Variants in CENPI observed in about 807,000 individuals in gnomAD.
CENPI encodes the protein centromere protein I.
A neutral mutation model predicts 60.4 loss-of-function variants in CENPI; 4 were observed. That is an observed-to-expected ratio of 0.07 (90% CI 0.03 to 0.15). CENPI has a LOEUF of 0.15. Ranked by LOEUF, CENPI falls within the 10% of genes least tolerant of loss-of-function variation. The pLI, the probability that CENPI is intolerant of heterozygous loss-of-function variation, is 1.00. For missense variants in CENPI, 444 were observed against 534.5 expected (o/e 0.83, Z 1.67); for synonymous variants, 157 against 189.4 (o/e 0.83, Z 1.40).
At chrX:101,119,791 T>G (rs1336241298) in intron 6 of CENPI, among the ~76,000 whole-genome samples, 9 of 112,197 alleles carry the variant, frequency 8.0e-5, no homozygotes, top group African/African-American at 2.9e-4. Flanking sequence ...AAATGATAAT[T>G]TTGAAGACTA....
At chrX:101,125,521 C>T (rs1007101748) in intron 8 of CENPI, among the ~76,000 whole-genome samples, 3 of 111,290 alleles carry the variant, frequency 2.7e-5, no homozygotes, top group Non-Finnish European at 5.7e-5. Context: ...CTCAGCTTCC[C>T]GAGTAGCTGG....
chrX:101,165,309 C>G lies in CENPI; in HGVS notation c.*2342C>G, dbSNP rs958229193. On this transcript the variant is annotated 3_prime_UTR_variant, in exon 22 of 22. Transcript: ENST00000682095. ...GAGACTGGTTAGGTTATTATAGTGT[C>G]CTAGGTAACAGTTTTGGACAAGTGT... is the stretch of plus-strand genomic sequence containing the variant. 9.0e-6 allele frequency among the ~76,000 whole-genome samples: 1 copy of G among 111,540 alleles called. No individual in the cohort carries two copies. The highest frequency in any genetic ancestry group is 1.9e-5 in the Non-Finnish European group (1 of 53,088).
At chrX:101,178,619 C>T in the CENPI span, among the ~76,000 whole-genome samples, 4 of 109,951 alleles carry the variant, frequency 3.6e-5, no homozygotes, top group Admixed American at 2.9e-4. Context: ...CCATGTTGGC[C>T]GGGCTGGTCC....
intron 6 of CENPI, among the ~76,000 whole-genome samples, chrX:101,114,283 A>G (rs1421246391): frequency 8.9e-6 from 1 of 111,861 alleles, no homozygotes; most frequent in Admixed American, 9.5e-5. Flanking sequence ...CAACCAACAA[A>G]CAAACACAGC....
At chrX:101,109,406 G>A in intron 4 of CENPI, 67 bp from the exon 5 acceptor site, 1 of 873,143 alleles carries the variant, frequency 1.1e-6, no homozygotes, top group Non-Finnish European at 1.7e-6. Context: ...AGATCCAAGA[G>A]TGAATAATAG....
chrX:101,141,269 G>T (rs1007000550), intron 16 of CENPI: 2 of 111,713 alleles, frequency 1.8e-5, no homozygotes, highest in African/African-American at 6.5e-5. Flanking sequence ...AAAAGTAAAA[G>T]ACTAAATTTC....
In CENPI at chrX:101,165,354, G is replaced by A. The variant is rs1419189594; in HGVS notation, c.*2387G>A. Among the ~76,000 whole-genome samples, 1 of 111,724 alleles carries A rather than the reference G, an allele frequency of 9.0e-6. No individual in the cohort carries two copies. Among genetic ancestry groups the A allele is most frequent in the Admixed American group, 9.5e-5 (1 of 10,478 alleles). On this transcript the variant is annotated 3_prime_UTR_variant, in exon 22 of 22. Coordinates refer to ENST00000682095, the MANE Select transcript of CENPI (RefSeq NM_001386188.2). ...AAGTGTGATAAATGTTGAGGTGGGA[G>A]GGGTTAGAGGTTGGATTCAGACTCT...
chrX:101,107,947 G>T (rs1402366566), intron 4 of CENPI, among the ~76,000 whole-genome samples: 1 of 107,414 alleles, frequency 9.3e-6, no homozygotes, highest in African/African-American at 3.4e-5. Flanking sequence ...TAGAGATGGG[G>T]TTTCATCACC....
At chrX:101,116,510 G>A (rs1040092565) in intron 6 of CENPI, among the ~76,000 whole-genome samples, 8 of 111,343 alleles carry the variant, frequency 7.2e-5, no homozygotes, top group Non-Finnish European at 1.5e-4. Context: ...GCGGGGAAGG[G>A]AAGTCCTGGA....
At chrX:101,107,799 G>T (rs1324564251) in intron 4 of CENPI, among the ~76,000 whole-genome samples, 1 of 108,676 alleles carries the variant, frequency 9.2e-6, no homozygotes. Flanking sequence ...CTCCCGAGTG[G>T]CTGGGATTAC....
intron 20 of CENPI, among the ~76,000 whole-genome samples, chrX:101,151,999 G>T (rs1319951088): frequency 9.1e-6 from 1 of 110,429 alleles, no homozygotes; most frequent in African/African-American, 3.3e-5. Context: ...ATTCCCCAGG[G>T]CCTCCCACCT....
chrX:101,161,854 T>C (rs1293069997), intron 21 of CENPI, among the ~76,000 whole-genome samples: 2 of 112,099 alleles, frequency 1.8e-5, no homozygotes, highest in African/African-American at 3.2e-5. Flanking sequence ...AACAAAGCCA[T>C]ACATAGGCTG....
chrX:101,161,994 G>A (rs1431883114), intron 21 of CENPI, among the ~76,000 whole-genome samples: 1 of 109,703 alleles, frequency 9.1e-6, no homozygotes, highest in Non-Finnish European at 1.9e-5. Context: ...AGGCTGGAGT[G>A]CGGTGGTGTA....
In CENPI at chrX:101,145,714, A is replaced by C. The variant is rs190948311; in HGVS notation, c.1702-439A>C. Among the ~76,000 whole-genome samples, 685 of 108,667 alleles carry C rather than the reference A, an allele frequency of 6.3e-3. 2 individuals are homozygous for C. Among genetic ancestry groups the C allele is most frequent in the Non-Finnish European group, 9.3e-3 (484 of 52,137 alleles). 94.4% of individuals were successfully genotyped at this position (108,667 alleles called of 115,157 possible). On this transcript the variant is annotated intron_variant, in intron 17 of 21. Transcript: ENST00000682095. ...CTTTTGCACCAATTTAATATTATCC[A>C]TGAAGTATCCATTATAGTCTCACTT...
At chrX:101,099,453 A>G (rs1334722718) in intron 2 of CENPI, among the ~76,000 whole-genome samples, 7 of 109,440 alleles carry the variant, frequency 6.4e-5, no homozygotes, top group Non-Finnish European at 1.3e-4. Context: ...AAAAGAAACA[A>G]TGTCTCACTA....
the CENPI span, among the ~76,000 whole-genome samples, chrX:101,171,259 C>A: frequency 2.7e-5 from 3 of 109,931 alleles, no homozygotes; most frequent in Non-Finnish European, 5.7e-5. Context: ...AGAATAGTCC[C>A]CCATTGTACT....
chrX:101,119,319 C>A (rs1892630089), intron 6 of CENPI, among the ~76,000 whole-genome samples: 1 of 112,433 alleles, frequency 8.9e-6, no homozygotes, highest in Non-Finnish European at 1.9e-5. Flanking sequence ...AGAGTCATGA[C>A]TACAAAAATA....
chrX:101,152,192 A>G (rs1208821176), intron 20 of CENPI, among the ~76,000 whole-genome samples: 1 of 106,813 alleles, frequency 9.4e-6, no homozygotes. Context: ...AGCCCCCGAT[A>G]GCTGGGATTA....
At chrX:101,171,243 A>G in the CENPI span, among the ~76,000 whole-genome samples, 1 of 111,483 alleles carries the variant, frequency 9.0e-6, no homozygotes, top group Non-Finnish European at 1.9e-5. Context: ...ACACAGTTCA[A>G]TGGGAAGAAT....
Sources: allele counts gnomAD v4.1 joint callset (sites outside exome capture counted in the v4.1 genomes callset), GRCh38; gene constraint gnomAD v4.1.1; transcripts MANE v1.5; gene names NCBI Gene and HGNC (gene_info 2026-07-23, HGNC 2026-07-21).